Variants in EPHB1 observed in about 807,000 individuals in gnomAD.
EPHB1 encodes EPH receptor B1.
Under a neutral mutation model 94.4 loss-of-function variants are expected in EPHB1, and 30 were observed. The observed-to-expected ratio is 0.32, with a 90% CI of 0.24 to 0.43. The LOEUF (loss-of-function observed/expected upper bound fraction) is 0.43. Ranked by LOEUF, EPHB1 falls within the 20% of genes least tolerant of loss-of-function variation. EPHB1 has a pLI of 1.00. For synonymous variants in EPHB1, 522 were observed against 489.1 expected (o/e 1.07, Z -0.89); for missense variants, 1,055 against 1,308.3 (o/e 0.81, Z 2.99).
chr3:135,109,940 A>C (rs1246101746), intron 4 of EPHB1, among the ~76,000 whole-genome samples: 1 of 152,244 alleles, frequency 6.6e-6, no homozygotes, highest in Non-Finnish European at 1.5e-5. Context: ...TGGTGGGGTC[A>C]GCCGGGCAGA....
At chr3:134,817,174 T>C (rs2108288421) in intron 1 of EPHB1, among the ~76,000 whole-genome samples, 1 of 152,310 alleles carries the variant, frequency 6.6e-6, no homozygotes, top group South Asian at 2.1e-4. Flanking sequence ...GACTATGGGC[T>C]GCCTGTTTTT....
rs926718149 is a variant in EPHB1, at chr3:134,925,681, G to C, written c.59-135G>C. 7.5e-6 allele frequency: 5 copies of C among 667,694 alleles called. No individual in the cohort carries two copies. The African/African-American group carries it at 9.3e-5, about 12-fold the overall frequency. The allele number at this position is 667,694 out of a possible 1,614,324, so 41.4% of individuals were successfully genotyped here. On this transcript the variant is annotated intron_variant, in intron 1 of 15. Transcript: ENST00000398015. ...CCTTGGGCTTCACAGAGAGACCTGGGCTTGAAGATGCACAAACCTCCTTGT... is the reference window on the plus strand; with the variant it reads ...CCTTGGGCTTCACAGAGAGACCTGGCCTTGAAGATGCACAAACCTCCTTGT...
chr3:134,927,999 G>C lies in EPHB1; in HGVS notation c.123+2119G>C, dbSNP rs562471504. On this transcript the variant is annotated intron_variant, in intron 2 of 15. Coordinates refer to ENST00000398015, the MANE Select transcript of EPHB1 (RefSeq NM_004441.5). ...GTTTCCTCTGTGCTCTTCCAGGACA[G>C]TACCCTCCAATTCTGTGAACACACC... is the stretch of plus-strand genomic sequence containing the variant. Among the ~76,000 whole-genome samples, 229 of 152,342 alleles carry C rather than the reference G, an allele frequency of 1.5e-3. 2 individuals are homozygous for C. Among genetic ancestry groups the C allele is most frequent in the African/African-American group, 5.5e-3 (227 of 41,570 alleles).
chr3:135,151,501 AT>A (rs937572325), intron 5 of EPHB1, among the ~76,000 whole-genome samples: 3 of 151,210 alleles, frequency 2.0e-5, no homozygotes, highest in African/African-American at 7.3e-5. Context: ...TCCCCTTTCC[AT>A]TTTTTCATGT....
rs534330476 is a variant in EPHB1, at chr3:135,248,434, C to A, written c.2615C>A (p.Ala872Glu). ...QKDRNSRPRF[A>E]EIVNTLDKMI... ...GACCGGAACAGCCGGCCCCGGTTTGCGGAGATTGTCAACACCCTAGATAAG... is the reference window on the plus strand; with the variant it reads ...GACCGGAACAGCCGGCCCCGGTTTGAGGAGATTGTCAACACCCTAGATAAG... Residue 872 changes from alanine (A) to glutamate (E), a missense_variant, in exon 14 of 16, where the codon GCG becomes GAG. Transcript: ENST00000398015. The A allele has an allele frequency of 2.5e-6, 4 of 1,613,640 alleles. No homozygotes were observed. In the African/African-American group the frequency reaches 5.3e-5, roughly 22 times the overall value.
At chr3:134,923,424 A>G (rs773170476) in intron 1 of EPHB1, among the ~76,000 whole-genome samples, 2 of 152,126 alleles carry the variant, frequency 1.3e-5, no homozygotes, top group Admixed American at 6.5e-5. Context: ...AACCCTGCTT[A>G]TATCCCATGC....
chr3:135,208,290 CGTGT>C (rs55947191), intron 12 of EPHB1, among the ~76,000 whole-genome samples: 6,331 of 142,516 alleles, frequency 0.044, 155 homozygotes, highest in Non-Finnish European at 0.049. Context: ...CCTTTCATGA[CGTGT>C]GTGTGTGTGT....
At chr3:135,004,090 C>G (rs1251392152) in intron 3 of EPHB1, among the ~76,000 whole-genome samples, 1 of 151,942 alleles carries the variant, frequency 6.6e-6, no homozygotes, top group East Asian at 1.9e-4. Context: ...TTTGCAGCAG[C>G]TGGTACTGGT....
intron 1 of EPHB1, among the ~76,000 whole-genome samples, chr3:134,863,427 C>G (rs1344543693): frequency 6.6e-6 from 1 of 152,198 alleles, no homozygotes; most frequent in East Asian, 1.9e-4. Flanking sequence ...CTTTGGGAGG[C>G]CAAGGCGGGC....
At chr3:134,974,802 G>A (rs561942682) in intron 3 of EPHB1, among the ~76,000 whole-genome samples, 63 of 142,284 alleles carry the variant, frequency 4.4e-4, no homozygotes, top group Non-Finnish European at 8.5e-4. Flanking sequence ...AAAGCAGTCC[G>A]CAGTCCCATG....
intron 12 of EPHB1, among the ~76,000 whole-genome samples, chr3:135,226,174 C>T (rs1226146287): frequency 6.6e-6 from 1 of 152,192 alleles, no homozygotes; most frequent in Non-Finnish European, 1.5e-5. Flanking sequence ...GCCCATGGTC[C>T]AGCCTACACT....
chr3:135,192,509 A>G (rs1942487148), intron 10 of EPHB1, 67 bp from the exon 11 acceptor site: 2 of 1,567,874 alleles, frequency 1.3e-6, no homozygotes, highest in Non-Finnish European at 8.7e-7. Flanking sequence ...TCTCCATTAG[A>G]TGACTTCCCT....
At chr3:134,862,234 G>A (rs905027007) in intron 1 of EPHB1, among the ~76,000 whole-genome samples, 12 of 152,184 alleles carry the variant, frequency 7.9e-5, no homozygotes, top group Non-Finnish European at 7.3e-5. Flanking sequence ...CTCTTTGGAG[G>A]CAGGAACAGT....
intron 3 of EPHB1, among the ~76,000 whole-genome samples, chr3:135,002,143 A>G (rs1935207164): frequency 6.6e-6 from 1 of 152,208 alleles, no homozygotes; most frequent in South Asian, 2.1e-4. Flanking sequence ...GACCTTGAAA[A>G]CAATATTCAG....
chr3:134,999,875 G>A (rs1935119782), intron 3 of EPHB1, among the ~76,000 whole-genome samples: 1 of 152,204 alleles, frequency 6.6e-6, no homozygotes, highest in East Asian at 1.9e-4. Context: ...AAGCCAGGAA[G>A]GAGGATCTCC....
chr3:134,869,830 A>G (rs1560274242), intron 1 of EPHB1, among the ~76,000 whole-genome samples: 1 of 152,150 alleles, frequency 6.6e-6, no homozygotes, highest in Non-Finnish European at 1.5e-5. Context: ...TTCTTTTTAC[A>G]TTCATGCTTT....
chr3:134,848,630 G>T (rs1398621471), intron 1 of EPHB1, among the ~76,000 whole-genome samples: 1 of 152,276 alleles, frequency 6.6e-6, no homozygotes, highest in East Asian at 1.9e-4. Context: ...TGCCATTATG[G>T]TGCTGGTGTG....
intron 1 of EPHB1, among the ~76,000 whole-genome samples, chr3:134,891,307 A>T (rs1419792268): frequency 6.6e-6 from 1 of 152,146 alleles, no homozygotes; most frequent in Admixed American, 6.5e-5. Context: ...ACAGGGTTTC[A>T]CTATGTTGCC....
chr3:135,249,278 G>T, intron 14 of EPHB1, 58 bp from the exon 15 acceptor site: 1 of 1,546,114 alleles, frequency 6.5e-7, no homozygotes. Context: ...GGCCAGACTG[G>T]GGCACTGTCC....
Sources: gnomAD v4.1 joint callset for allele counts (sites outside exome capture counted in the v4.1 genomes callset) on GRCh38, gnomAD v4.1.1 for gene constraint, MANE v1.5 for transcripts, NCBI Gene and HGNC (gene_info 2026-07-23, HGNC 2026-07-21) for gene names.